PACS2: variants seen among roughly 807,000 people sequenced by gnomAD.
PACS2 encodes the protein phosphofurin acidic cluster sorting protein 2.
Under a neutral mutation model 113.0 loss-of-function variants are expected in PACS2, and 36 were observed. That is an observed-to-expected ratio of 0.32 (90% CI 0.24 to 0.42). PACS2 has a LOEUF of 0.42. Among genes scored for constraint, PACS2 ranks in the 10% least tolerant of loss-of-function variants. The pLI, the probability that PACS2 is intolerant of heterozygous loss-of-function variation, is 1.00. For missense variants in PACS2, 1,015 were observed against 1,239.5 expected (o/e 0.82, Z 2.72); for synonymous variants, 589 against 536.1 (o/e 1.10, Z -1.36).
Position 105,305,092 on chromosome 14 carries a change from G to A in PACS2, c.-83+4113G>A, listed in dbSNP as rs773544334. On this transcript the variant is annotated intron_variant, in intron 1 of 23. Coordinates refer to the PACS2 transcript ENST00000430725. The stretch of plus-strand genomic sequence containing the variant: ...CATGAGGGCTGCTTCCCTCATGAGC[G>A]GGATTAATGCCCTCAGAAAAGTGGC... 1.8e-4 allele frequency among the ~76,000 whole-genome samples: 27 copies of A among 152,136 alleles called. 1 individual carries two copies. Among genetic ancestry groups the A allele is most frequent in the South Asian group, 2.1e-4 (1 of 4,814 alleles).
At chr14:105,394,465 G>T in intron 24 of PACS2, 89 bp from the exon 25 acceptor site, 1 of 1,582,984 alleles carries the variant, frequency 6.3e-7, no homozygotes, top group Non-Finnish European at 8.6e-7. Flanking sequence ...ACGCCCGGCT[G>T]CCACCCAGCC....
At chr14:105,304,082 G>A (rs931846231) in intron 1 of PACS2, among the ~76,000 whole-genome samples, 11 of 152,226 alleles carry the variant, frequency 7.2e-5, no homozygotes, top group African/African-American at 2.7e-4. Flanking sequence ...ATGCCTCCCA[G>A]GCCACAGCGG....
chr14:105,352,122 C>A (rs1566930162), intron 2 of PACS2, among the ~76,000 whole-genome samples: 1 of 152,158 alleles, frequency 6.6e-6, no homozygotes, highest in Non-Finnish European at 1.5e-5. Flanking sequence ...CAGCAGGAGC[C>A]GCTCCTGGTT....
intron 4 of PACS2, among the ~76,000 whole-genome samples, chr14:105,364,246 A>G (rs1270274744): frequency 2.0e-5 from 3 of 152,048 alleles, no homozygotes; most frequent in Non-Finnish European, 4.4e-5. Flanking sequence ...AAAGTGCAGC[A>G]GAGCAGAGTG....
intron 1 of PACS2, among the ~76,000 whole-genome samples, chr14:105,334,412 T>C (rs4983603): frequency 1 from 152,325 of 152,340 alleles, 76,155 homozygotes; most frequent in Middle Eastern, 1. Flanking sequence ...TGTGCAGGGC[T>C]TCACCCTCTT....
rs1385384202 is a variant in PACS2, at chr14:105,390,372, C to T, written c.2076+369C>T. 1.6e-5 allele frequency: 5 copies of T among 313,718 alleles called. No homozygotes were observed. In the East Asian group the frequency reaches 3.4e-4, roughly 21 times the overall value. The allele number at this position is 313,718 out of a possible 1,614,324, so 19.4% of individuals were successfully genotyped here. A position where few individuals can be genotyped will look rare whatever the true frequency, so the allele number is the denominator to read the frequency against. The stretch of plus-strand genomic sequence containing the variant: ...CTTTAGGAGCCCAAGGCCCCGGGAG[C>T]TTCCCAGTGCTCACTTGGGCTGCAG... On this transcript the variant is annotated intron_variant, in intron 20 of 24. Coordinates refer to ENST00000447393, the MANE Select transcript of PACS2 (RefSeq NM_001100913.3).
rs2059030204 is a variant in PACS2 at position 105,324,717 on chromosome 14, C to T, written c.119+9680C>T. On this transcript the variant is annotated intron_variant, in intron 1 of 24. Transcript: ENST00000447393. The surrounding 1 kb of genome is among the most constrained non-coding windows in gnomAD (Gnocchi z 4.7). The stretch of plus-strand genomic sequence containing the variant: ...TCCGGCCTGTGGAGGCCGGTGGCGC[C>T]CCGTCTCACCCCACGGATGGGGGGC... Among the ~76,000 whole-genome samples, 1 of 152,116 alleles carries T rather than the reference C, an allele frequency of 6.6e-6. No homozygotes were observed. The highest frequency in any genetic ancestry group is 2.1e-4 in the South Asian group (1 of 4,830).
intron 1 of PACS2, among the ~76,000 whole-genome samples, chr14:105,347,864 A>G (rs1555403014): frequency 6.6e-6 from 1 of 152,002 alleles, no homozygotes; most frequent in Admixed American, 6.5e-5. Flanking sequence ...CACACGGGGC[A>G]GCACTAGGCA....
At chr14:105,388,064 C>A (rs781805964) in intron 19 of PACS2, among the ~76,000 whole-genome samples, 1 of 152,234 alleles carries the variant, frequency 6.6e-6, no homozygotes, top group Non-Finnish European at 1.5e-5. Context: ...ATTTGCATCG[C>A]TTTATGTTAT....
chr14:105,312,380 G>T (rs2058371802), upstream of PACS2, among the ~76,000 whole-genome samples: 1 of 152,218 alleles, frequency 6.6e-6, no homozygotes, highest in African/African-American at 2.4e-5. Flanking sequence ...GCAGCACGTG[G>T]TAGGACCAGC....
intron 3 of PACS2, among the ~76,000 whole-genome samples, chr14:105,352,857 C>T (rs2060255671): frequency 7.3e-6 from 1 of 136,330 alleles, no homozygotes; most frequent in Non-Finnish European, 1.6e-5. Context: ...ATCAGTGTCC[C>T]CTGGGGAGAC....
Position 105,391,047 on chromosome 14 carries a change from C to T in PACS2, c.2077-160C>T, listed in dbSNP as rs587650777. ...TGGCTGCTCTGAGCTCAGCTCTGCT[C>T]CACAGATGGGGAGAGAAGGGCAGGA... On this transcript the variant is annotated intron_variant, in intron 20 of 24. Coordinates refer to ENST00000447393, the MANE Select transcript of PACS2 (RefSeq NM_001100913.3). The T allele has an allele frequency of 1.7e-4, 110 of 653,664 alleles. 1 individual carries two copies. The Middle Eastern group carries it at 1.7e-3, about 10-fold the overall frequency. 40.5% of individuals were successfully genotyped at this position (653,664 alleles called of 1,614,324 possible).
rs2059668765 is a variant in PACS2 at position 105,340,092 on chromosome 14, C to T, written c.120-8401C>T. ...CCGCGTCTGGCTAAGGAGTATTTTC[C>T]TTAGCAGATACAAATTTATTTAAAT... On this transcript the variant is annotated intron_variant, in intron 1 of 24. Coordinates refer to ENST00000447393, the MANE Select transcript of PACS2 (RefSeq NM_001100913.3). This position sits in a 1 kb window ranked among gnomAD's most constrained non-coding sequence, Gnocchi z 4.2. Among the ~76,000 whole-genome samples the T allele has an allele frequency of 1.3e-5, 2 of 152,190 alleles. No homozygotes were observed. The highest frequency in any genetic ancestry group is 2.9e-5 in the Non-Finnish European group (2 of 68,036).
At position 105,379,804 on chromosome 14, in the gene PACS2, G is replaced by T; in HGVS notation, c.1025G>T (p.Arg342Leu). ...GAGATTGGGAGCATCCACAGCGCCC[G>T]CAGCCACAAGGAGCCCCCAAGCCCG... ...QTEIGSIHSA[R>L]SHKEPPSPAD... The change falls in exon 10 of 25, where the codon CGC becomes CTC. Residue 342 changes from arginine (R) to leucine (L), a missense_variant. Transcript: ENST00000447393. The T allele has an allele frequency of 6.2e-7, 1 of 1,613,008 alleles. No homozygotes were observed.
In PACS2 at chr14:105,390,110, C is replaced by T. The variant is rs587725480; in HGVS notation, c.2076+107C>T. 5.3e-4 allele frequency: 528 copies of T among 996,008 alleles called. 6 individuals carry two copies. The South Asian group carries it at 6.4e-3, about 12-fold the overall frequency. 61.7% of individuals were successfully genotyped at this position (996,008 alleles called of 1,614,324 possible). On this transcript the variant is annotated intron_variant, in intron 20 of 24. Coordinates refer to ENST00000447393, the MANE Select transcript of PACS2 (RefSeq NM_001100913.3). The stretch of plus-strand genomic sequence containing the variant: ...CTCGATATATTCCAGAACCTTCCCA[C>T]AGATACGAGCTGGGGATTTGCCTTC...
rs782315056 is a variant in PACS2 at position 105,376,975 on chromosome 14, G to A, written c.959+50G>A. 1.3e-5 allele frequency: 20 copies of A among 1,531,324 alleles called. No individual in the cohort carries two copies. Among genetic ancestry groups the A allele is most frequent in the South Asian group, 8.7e-5 (7 of 80,712 alleles). The allele number at this position is 1,531,324 out of a possible 1,614,324, so 94.9% of individuals were successfully genotyped here. Reference sequence around the variant, plus strand: ...GAGGAACAGCCATTTCAGATGCCCCGGCCACTCTGCGACCACTCTGGCAGA... The same window carrying A: ...GAGGAACAGCCATTTCAGATGCCCCAGCCACTCTGCGACCACTCTGGCAGA... On this transcript the variant is annotated intron_variant, in intron 9 of 24. Coordinates refer to ENST00000447393, the MANE Select transcript of PACS2 (RefSeq NM_001100913.3). This position sits in a 1 kb window ranked among gnomAD's most constrained non-coding sequence, Gnocchi z 4.7.
In PACS2 at chr14:105,384,895, C is replaced by A; in HGVS notation, c.1908C>A (p.Asp636Glu). Residue 636 changes from aspartate to glutamate, a missense_variant, in exon 18 of 25, where the codon GAC (aspartate) becomes GAA (glutamate). Transcript: ENST00000447393. ...EAQSAVQDTP[D>E]IVSRITQYIA... ...CCCCTGCAGTACAGGACACGCCAGA[C>A]ATTGTGTCACGCATCACGCAGTACA... 6.3e-7 allele frequency: 1 copy of A among 1,590,990 alleles called. No homozygotes were observed. Among genetic ancestry groups the A allele is most frequent in the Non-Finnish European group, 8.6e-7 (1 of 1,168,158 alleles).
rs1555412420 is a variant in PACS2, at chr14:105,382,839, C to T, written c.1551C>T (p.Leu517=). 1.9e-6 allele frequency: 3 copies of T among 1,606,438 alleles called. No homozygotes were observed. Among genetic ancestry groups the T allele is most frequent in the Admixed American group, 1.7e-5 (1 of 59,988 alleles). Reference sequence around the variant, plus strand: ...CCGACGTCCTGCAGAGGCACACGCTCCCCGTGGTGTGCACGTGCTCTCCTG... The same window carrying T: ...CCGACGTCCTGCAGAGGCACACGCTTCCCGTGGTGTGCACGTGCTCTCCTG... ...FLSDVLQRHT[L]PVVCTCSPAD... Residue 517 remains leucine (L), a synonymous_variant, in exon 15 of 25, where the codon CTC becomes CTT. Transcript: ENST00000447393.
At chr14:105,326,312 G>A (rs2059104849) in intron 1 of PACS2, among the ~76,000 whole-genome samples, 1 of 152,212 alleles carries the variant, frequency 6.6e-6, no homozygotes, top group Non-Finnish European at 1.5e-5. Flanking sequence ...TGGAGTTGAG[G>A]CTTCCGTATG....
Sources: gnomAD v4.1 joint callset for allele counts (sites outside exome capture counted in the v4.1 genomes callset) on GRCh38, gnomAD v4.1.1 for gene constraint, Gnocchi (gnomAD v3.1) non-coding constraint, MANE v1.5 for transcripts, NCBI Gene and HGNC (gene_info 2026-07-23, HGNC 2026-07-21) for gene names.